The following ASIC2 variants were observed in gnomAD, a reference collection of about 807,000 sequenced individuals.
ASIC2 encodes acid-sensing ion channel 2.
A neutral mutation model predicts 57.3 loss-of-function variants in ASIC2; 25 were observed. The observed-to-expected ratio is 0.44, with a 90% CI of 0.32 to 0.61. The LOEUF (loss-of-function observed/expected upper bound fraction) is 0.61. Among genes scored for constraint, ASIC2 ranks in the 20% least tolerant of loss-of-function variants. The pLI is 0.06. For synonymous variants in ASIC2, 319 were observed against 307.5 expected (o/e 1.04, Z -0.39); for missense variants, 641 against 738.1 (o/e 0.87, Z 1.52).
At chr17:33,806,942 C>G (rs1044488464) in intron 1 of ASIC2, among the ~76,000 whole-genome samples, 2 of 152,206 alleles carry the variant, frequency 1.3e-5, no homozygotes, top group African/African-American at 4.8e-5. Context: ...CATTGCATCC[C>G]AAATCCAAGA....
chr17:33,527,318 C>T (rs1446886799), intron 1 of ASIC2, among the ~76,000 whole-genome samples: 1 of 152,184 alleles, frequency 6.6e-6, no homozygotes, highest in Non-Finnish European at 1.5e-5. Flanking sequence ...CAGCTAAAGG[C>T]TTTATGTTCC....
intron 1 of ASIC2, among the ~76,000 whole-genome samples, chr17:33,197,664 G>A (rs1002343062): frequency 6.6e-6 from 1 of 152,170 alleles, no homozygotes; most frequent in Non-Finnish European, 1.5e-5. Flanking sequence ...GTGTGGGCTG[G>A]GGTATCCATG....
chr17:33,875,527 G>A (rs1477604114), intron 1 of ASIC2, among the ~76,000 whole-genome samples: 1 of 152,148 alleles, frequency 6.6e-6, no homozygotes, highest in Non-Finnish European at 1.5e-5. Flanking sequence ...GGTCATATAT[G>A]GGATTTTGTG....
intron 1 of ASIC2, among the ~76,000 whole-genome samples, chr17:34,143,681 G>A (rs1912334573): frequency 6.6e-6 from 1 of 152,210 alleles, no homozygotes; most frequent in South Asian, 2.1e-4. Flanking sequence ...TGGGAGTACA[G>A]CCAGAACACT....
intron 1 of ASIC2, among the ~76,000 whole-genome samples, chr17:34,108,846 C>G (rs1035153625): frequency 2.0e-5 from 3 of 152,006 alleles, no homozygotes; most frequent in African/African-American, 7.2e-5. Context: ...GTCTTCCTCA[C>G]TTATTGACCC....
At chr17:33,705,384 T>G (rs1908833370) in intron 1 of ASIC2, among the ~76,000 whole-genome samples, 1 of 152,132 alleles carries the variant, frequency 6.6e-6, no homozygotes, top group Non-Finnish European at 1.5e-5. Flanking sequence ...CAAAGATATA[T>G]CCACATCTCA....
At chr17:34,086,015 G>T (rs1910100134) in intron 1 of ASIC2, among the ~76,000 whole-genome samples, 1 of 151,576 alleles carries the variant, frequency 6.6e-6, no homozygotes, top group Admixed American at 6.6e-5. Flanking sequence ...ATTTTTTGAA[G>T]GGTTTTTTGT....
chr17:33,436,689 T>C (rs2141981372), intron 1 of ASIC2, among the ~76,000 whole-genome samples: 1 of 152,238 alleles, frequency 6.6e-6, no homozygotes, highest in South Asian at 2.1e-4. Context: ...TTCACTCAGC[T>C]GCTCTGCATT....
At chr17:33,044,439 C>A (rs1430586580) in intron 3 of ASIC2, among the ~76,000 whole-genome samples, 1 of 152,118 alleles carries the variant, frequency 6.6e-6, no homozygotes, top group Non-Finnish European at 1.5e-5. Flanking sequence ...ATGGTAAGAT[C>A]TTGGCTCACT....
At chr17:33,114,465 T>C (rs970768928) in intron 1 of ASIC2, among the ~76,000 whole-genome samples, 1 of 152,234 alleles carries the variant, frequency 6.6e-6, no homozygotes, top group Non-Finnish European at 1.5e-5. Flanking sequence ...TCAAAATTGC[T>C]TAAAATATTA....
At chr17:33,165,139 C>T (rs762269584) in intron 1 of ASIC2, among the ~76,000 whole-genome samples, 16 of 152,146 alleles carry the variant, frequency 1.1e-4, no homozygotes, top group Non-Finnish European at 2.2e-4. Flanking sequence ...TATTCTGGAC[C>T]CCGAGTTTCT....
intron 1 of ASIC2, among the ~76,000 whole-genome samples, chr17:33,939,155 T>C (rs1916131366): frequency 6.6e-6 from 1 of 152,228 alleles, no homozygotes; most frequent in Non-Finnish European, 1.5e-5. Context: ...TTGTTCTCCA[T>C]AGCTGTTGTC....
At chr17:33,397,846 G>T (rs1910135830) in intron 1 of ASIC2, among the ~76,000 whole-genome samples, 1 of 152,194 alleles carries the variant, frequency 6.6e-6, no homozygotes, top group South Asian at 2.1e-4. Flanking sequence ...TGTTGATTGA[G>T]ATCCCAGTTT....
intron 1 of ASIC2, among the ~76,000 whole-genome samples, chr17:33,451,794 T>C (rs1168355311): frequency 6.6e-6 from 1 of 152,226 alleles, no homozygotes; most frequent in African/African-American, 2.4e-5. Flanking sequence ...GGACCTGACC[T>C]AGTTTGTTCT....
At chr17:33,581,155 G>A (rs561916894) in intron 1 of ASIC2, 1 of 152,232 alleles carries the variant, frequency 6.6e-6, no homozygotes, top group Non-Finnish European at 1.5e-5. Flanking sequence ...TGTTCTTAAA[G>A]GCAGAAGAGG....
chr17:34,019,603 C>T (rs148612729), intron 1 of ASIC2, among the ~76,000 whole-genome samples: 289 of 152,292 alleles, frequency 1.9e-3, no homozygotes, highest in African/African-American at 6.7e-3. Context: ...TGAAGTATTT[C>T]TAATTAACGT....
chr17:34,095,854 G>T (rs1910527522), intron 1 of ASIC2, among the ~76,000 whole-genome samples: 1 of 150,926 alleles, frequency 6.6e-6, no homozygotes, highest in Non-Finnish European at 1.5e-5. Context: ...AAAGGAAACT[G>T]ATATTTTATA....
chr17:33,047,221 C>A (rs1416562119), intron 3 of ASIC2, among the ~76,000 whole-genome samples: 3 of 152,328 alleles, frequency 2.0e-5, no homozygotes, highest in Non-Finnish European at 2.9e-5. Flanking sequence ...TTCTTGACCC[C>A]CTTCCCTCTC....
chr17:33,731,044 G>A (rs146030052), intron 1 of ASIC2, among the ~76,000 whole-genome samples: 38 of 152,290 alleles, frequency 2.5e-4, no homozygotes, highest in African/African-American at 8.9e-4. Context: ...ATGGATGCTC[G>A]GATGCCCCAT....
Sources: gnomAD v4.1 joint callset for allele counts (sites outside exome capture counted in the v4.1 genomes callset) on GRCh38, gnomAD v4.1.1 for gene constraint, MANE v1.5 for transcripts, NCBI Gene and HGNC (gene_info 2026-07-23, HGNC 2026-07-21) for gene names.